PTPRZ1: variants seen among roughly 807,000 people sequenced by gnomAD.
The protein encoded by PTPRZ1 is receptor-type tyrosine-protein phosphatase zeta.
PTPRZ1 carries 82 observed loss-of-function variants against 214.1 expected under a neutral mutation model. That is an observed-to-expected ratio of 0.38 (90% CI 0.32 to 0.46). The LOEUF (loss-of-function observed/expected upper bound fraction) is 0.46, where lower values mean the gene tolerates loss of function less well. Among genes scored for constraint, PTPRZ1 ranks in the 20% least tolerant of loss-of-function variants. The probability of loss-of-function intolerance (pLI) is 1.00; values close to 1 mark genes in which losing one functional copy is unlikely to be tolerated. For synonymous variants in PTPRZ1, 945 were observed against 987.9 expected, an observed-to-expected ratio of 0.96 and a Z score of 0.81; for missense variants, 2,603 against 2,748.7, an observed-to-expected ratio of 0.95 and a Z score of 1.19.
intron 13 of PTPRZ1, among the ~76,000 whole-genome samples, chr7:122,022,618 A>C (rs1441084083): frequency 1.3e-5 from 2 of 152,184 alleles, no homozygotes; most frequent in African/African-American, 4.8e-5. Flanking sequence ...TTATCTTCTC[A>C]CTTTCATGAT....
chr7:121,995,806 T>A (rs1421521138), intron 8 of PTPRZ1, among the ~76,000 whole-genome samples: 1 of 152,194 alleles, frequency 6.6e-6, no homozygotes, highest in Non-Finnish European at 1.5e-5. Flanking sequence ...CCGATAATAG[T>A]ATGTCTTTCA....
chr7:121,967,944 T>C lies in PTPRZ1; in HGVS notation c.125-7T>C. Reference sequence around the variant, plus strand: ...AAACTAAATTTCTTACTCCTTCTTTTCCCTAGGAGCACTGAATCAAAAAAA... The same window carrying C: ...AAACTAAATTTCTTACTCCTTCTTTCCCCTAGGAGCACTGAATCAAAAAAA... On this transcript the variant is annotated splice_polypyrimidine_tract_variant and splice_region_variant and intron_variant, in intron 2 of 29. Coordinates refer to ENST00000393386, the MANE Select transcript of PTPRZ1 (RefSeq NM_002851.3). 1 of 1,535,248 alleles carries C rather than the reference T, an allele frequency of 6.5e-7. No individual in the cohort carries two copies. Among genetic ancestry groups the C allele is most frequent in the Non-Finnish European group, 8.9e-7 (1 of 1,127,846 alleles).
At chr7:121,910,324 T>A (rs990328036) in intron 1 of PTPRZ1, among the ~76,000 whole-genome samples, 7 of 152,190 alleles carry the variant, frequency 4.6e-5, no homozygotes, top group African/African-American at 1.7e-4. Flanking sequence ...GCTCTAATGC[T>A]TTTCTCCATA....
rs747435669 is a variant in PTPRZ1, at chr7:122,012,304, A to T, written c.3258A>T (p.Gln1086His). 23 of 1,614,054 alleles carry T rather than the reference A, an allele frequency of 1.4e-5. No individual in the cohort carries two copies. Among genetic ancestry groups the T allele is most frequent in the Non-Finnish European group, 1.7e-5 (20 of 1,180,030 alleles). Residue 1086 changes from glutamine to histidine, a missense_variant, in exon 12 of 30, where the codon CAA becomes CAT. Physicochemically the swap from Gln to His is conservative, Grantham distance 24. Around this residue, in one of 6 missense-constraint regions of PTPRZ1, gnomAD observed 1,913 missense variants for 1,914.3 expected, o/e 1.00. Coordinates refer to ENST00000393386, the MANE Select transcript of PTPRZ1 (RefSeq NM_002851.3). ...DNVNKLNASL[Q>H]ETSVSISSTK... ...TAAATAAGTTGAATGCGTCTTTACA[A>T]GAAACCTCTGTTTCCATTTCTAGCA...
intron 1 of PTPRZ1, among the ~76,000 whole-genome samples, chr7:121,923,336 A>C (rs566388241): frequency 2.6e-5 from 4 of 152,180 alleles, no homozygotes; most frequent in Non-Finnish European, 5.9e-5. Context: ...AAGGACGTGA[A>C]ATATGCAAGA....
chr7:121,948,923 A>C (rs1796468656), intron 2 of PTPRZ1, among the ~76,000 whole-genome samples: 1 of 152,186 alleles, frequency 6.6e-6, no homozygotes, highest in Non-Finnish European at 1.5e-5. Context: ...TGTGAACCCT[A>C]AAAATGTGAG....
At chr7:121,877,962 ATG>A (rs1794113333) in intron 1 of PTPRZ1, among the ~76,000 whole-genome samples, 3 of 150,648 alleles carry the variant, frequency 2.0e-5, no homozygotes, top group South Asian at 4.2e-4. Context: ...ATATATATAT[ATG>A]TGTTTGTGTA....
chr7:122,053,264 T>C (rs895075703), intron 25 of PTPRZ1, among the ~76,000 whole-genome samples: 1 of 152,176 alleles, frequency 6.6e-6, no homozygotes, highest in South Asian at 2.1e-4. Context: ...CAGGCACAAG[T>C]CCCAGGAGGT....
At chr7:121,891,051 A>G (rs1012738584) in intron 1 of PTPRZ1, among the ~76,000 whole-genome samples, 6 of 151,884 alleles carry the variant, frequency 4.0e-5, no homozygotes, top group Non-Finnish European at 7.4e-5. Context: ...CTGTCCTCCT[A>G]GCCTTTCTGG....
intron 1 of PTPRZ1, among the ~76,000 whole-genome samples, chr7:121,904,991 G>A (rs1025363034): frequency 2.6e-5 from 4 of 152,090 alleles, no homozygotes; most frequent in Admixed American, 1.3e-4. Context: ...TGCTGTCTAC[G>A]AAAGTTGTTT....
intron 2 of PTPRZ1, among the ~76,000 whole-genome samples, chr7:121,957,347 G>A (rs1292053550): frequency 1.3e-5 from 2 of 152,094 alleles, no homozygotes; most frequent in African/African-American, 4.8e-5. Flanking sequence ...TGGGATGTAG[G>A]TGCTGGGTGT....
intron 6 of PTPRZ1, among the ~76,000 whole-genome samples, chr7:121,978,745 A>G (rs1247230736): frequency 1.3e-5 from 2 of 152,150 alleles, no homozygotes; most frequent in Non-Finnish European, 2.9e-5. Context: ...CCAAAAACCA[A>G]AATCCTTCAT....
intron 13 of PTPRZ1, among the ~76,000 whole-genome samples, chr7:122,023,692 A>T (rs1461220467): frequency 8.1e-4 from 107 of 131,646 alleles, no homozygotes; most frequent in African/African-American, 3.0e-3. Context: ...TTTATATATT[A>T]TATGTATAAT....
chr7:121,972,161 AT>A (rs5887063), intron 3 of PTPRZ1, among the ~76,000 whole-genome samples: 101 of 148,818 alleles, frequency 6.8e-4, no homozygotes, highest in Middle Eastern at 3.4e-3. Context: ...GAGAAGACTT[AT>A]TTTTTTTTTT....
chr7:121,915,621 A>T (rs1397437372), intron 1 of PTPRZ1, among the ~76,000 whole-genome samples: 9 of 152,188 alleles, frequency 5.9e-5, no homozygotes, highest in Admixed American at 5.9e-4. Flanking sequence ...ATCCGCTTGA[A>T]CACAAAATGC....
Position 121,954,732 on chromosome 7 carries a change from A to G in PTPRZ1, c.125-13219A>G, listed in dbSNP as rs17143965. Among the ~76,000 whole-genome samples the G allele has an allele frequency of 6.5e-4, 99 of 152,360 alleles. No homozygotes were observed. In the East Asian group the frequency reaches 0.016, roughly 24 times the overall value. Reference sequence around the variant, plus strand: ...AGATATTCTGTCTCACACTAGACACATCATAAATATTTGATAAATTAGTAA... The same window carrying G: ...AGATATTCTGTCTCACACTAGACACGTCATAAATATTTGATAAATTAGTAA... On this transcript the variant is annotated intron_variant, in intron 2 of 29. Transcript: ENST00000393386.
At chr7:121,987,178 A>G (rs192426026) in intron 8 of PTPRZ1, among the ~76,000 whole-genome samples, 1 of 152,292 alleles carries the variant, frequency 6.6e-6, no homozygotes, top group African/African-American at 2.4e-5. Flanking sequence ...TCTCTTCTGC[A>G]GTCTCCCTTG....
intron 1 of PTPRZ1, among the ~76,000 whole-genome samples, chr7:121,879,249 T>A (rs960591509): frequency 2.0e-5 from 3 of 152,052 alleles, no homozygotes; most frequent in Non-Finnish European, 4.4e-5. Context: ...CACCAATGAG[T>A]TTTGGATACA....
intron 1 of PTPRZ1, among the ~76,000 whole-genome samples, chr7:121,917,778 A>G (rs1003436566): frequency 6.6e-6 from 1 of 152,192 alleles, no homozygotes; most frequent in African/African-American, 2.4e-5. Flanking sequence ...GCAGAATGTA[A>G]GATTCCGATC....
Sources: allele counts gnomAD v4.1 joint callset (sites outside exome capture counted in the v4.1 genomes callset), GRCh38; gene constraint gnomAD v4.1.1; regional missense constraint gnomAD v4.1.1; transcripts MANE v1.5; gene names NCBI Gene and HGNC (gene_info 2026-07-23, HGNC 2026-07-21).